TRPC5: variants seen among roughly 807,000 people sequenced by gnomAD.
TRPC5 encodes the protein transient receptor potential cation channel subfamily C member 5.
In TRPC5, 9 loss-of-function variants were observed where a neutral mutation model predicts 56.5. That is an observed-to-expected ratio of 0.16 (90% confidence interval 0.10 to 0.28). The LOEUF (loss-of-function observed/expected upper bound fraction) is 0.28, where lower values mean the gene tolerates loss of function less well. Ranked by LOEUF, TRPC5 falls within the 10% of genes least tolerant of loss-of-function variation. The pLI, the probability that TRPC5 is intolerant of heterozygous loss-of-function variation, is 1.00. For missense variants in TRPC5, 469 were observed against 748.9 expected, an observed-to-expected ratio of 0.63 and a Z score of 4.36; for synonymous variants, 282 against 278.5, an observed-to-expected ratio of 1.01 and a Z score of -0.13.
chrX:111,948,349 C>G (rs2148636612), intron 2 of TRPC5, among the ~76,000 whole-genome samples: 1 of 111,435 alleles, frequency 9.0e-6, no homozygotes, highest in African/African-American at 3.3e-5. Flanking sequence ...GGATTGGTTT[C>G]TTTTCTAATA....
chrX:112,019,498 C>T (rs1025766785), intron 1 of TRPC5, among the ~76,000 whole-genome samples: 4 of 109,365 alleles, frequency 3.7e-5, no homozygotes, highest in Non-Finnish European at 5.7e-5. Context: ...TGCAGTGGCG[C>T]GATCTCGGCT....
intron 1 of TRPC5, among the ~76,000 whole-genome samples, chrX:112,026,571 G>C (rs186175238): frequency 8.9e-6 from 1 of 111,869 alleles, no homozygotes; most frequent in East Asian, 2.8e-4. Context: ...AAATGCCCTA[G>C]ACTCTTTTTC....
intron 1 of TRPC5, among the ~76,000 whole-genome samples, chrX:111,982,281 G>A: frequency 8.9e-6 from 1 of 111,958 alleles, no homozygotes; most frequent in East Asian, 2.8e-4. Flanking sequence ...GATAATTATA[G>A]TTCTAATTTC....
intron 1 of TRPC5, among the ~76,000 whole-genome samples, chrX:111,962,298 C>A (rs973677058): frequency 8.9e-6 from 1 of 112,186 alleles, no homozygotes; most frequent in South Asian, 3.7e-4. Context: ...GATTTATGAT[C>A]CAAAGTCCCT....
Position 111,950,320 on chromosome X carries a change from A to G in TRPC5, c.378+1723T>C, listed in dbSNP as rs193040725. 5.6e-3 allele frequency among the ~76,000 whole-genome samples: 582 copies of G among 104,359 alleles called. 1 individual carries two copies. The highest frequency in any genetic ancestry group is 0.015 in the Middle Eastern group (3 of 204). 90.6% of individuals were successfully genotyped at this position (104,359 alleles called of 115,157 possible). ...AGCCTGGGTGACAGAGTGAGACTCC[A>G]TCTCAAAAAAAAAAAAGAATTAATT... On this transcript the variant is annotated intron_variant, in intron 2 of 10. Transcript: ENST00000262839.
At position 111,994,376 on chromosome X, in the gene TRPC5, G is replaced by A. The variant is rs771326432; in HGVS notation, c.-21-41935C>T. 2.7e-5 allele frequency among the ~76,000 whole-genome samples: 3 copies of A among 111,544 alleles called. No individual in the cohort carries two copies. The South Asian group carries it at 1.1e-3, about 42-fold the overall frequency. On this transcript the variant is annotated intron_variant, in intron 1 of 10. Coordinates refer to ENST00000262839, the MANE Select transcript of TRPC5 (RefSeq NM_012471.3). ...TGTTCTTTTGGCTTAGGATTGTCTTGGCAATGCGGGCTCTTTTTTGGTTCC... is the reference window on the plus strand; with the variant it reads ...TGTTCTTTTGGCTTAGGATTGTCTTAGCAATGCGGGCTCTTTTTTGGTTCC...
intron 6 of TRPC5, among the ~76,000 whole-genome samples, chrX:111,836,241 A>G (rs1259212695): frequency 4.5e-5 from 5 of 112,350 alleles, no homozygotes; most frequent in Non-Finnish European, 9.4e-5. Flanking sequence ...ATCTGAATAC[A>G]GCAATAAAAT....
chrX:111,927,376 G>T (rs1043115857), intron 2 of TRPC5, among the ~76,000 whole-genome samples: 2 of 112,161 alleles, frequency 1.8e-5, no homozygotes, highest in African/African-American at 3.2e-5. Flanking sequence ...TAAGGCAAGG[G>T]CTCAGGCATA....
intron 3 of TRPC5, among the ~76,000 whole-genome samples, chrX:111,855,415 G>C (rs1274533919): frequency 2.7e-5 from 3 of 111,620 alleles, no homozygotes; most frequent in Non-Finnish European, 5.6e-5. Flanking sequence ...GTGATAACCT[G>C]GTGTGATCTA....
intron 3 of TRPC5, among the ~76,000 whole-genome samples, chrX:111,877,430 T>A (rs1924002886): frequency 9.0e-6 from 1 of 110,588 alleles, no homozygotes; most frequent in South Asian, 3.9e-4. Flanking sequence ...TTGCTTGGGG[T>A]TGAGGGAATT....
intron 1 of TRPC5, among the ~76,000 whole-genome samples, chrX:111,996,755 T>C (rs186333249): frequency 1.8e-5 from 2 of 112,265 alleles, no homozygotes; most frequent in African/African-American, 6.5e-5. Context: ...TCTCTTTTGA[T>C]CTTTGTTGGT....
At chrX:112,005,845 T>C (rs1314820624) in intron 1 of TRPC5, among the ~76,000 whole-genome samples, 1 of 111,817 alleles carries the variant, frequency 8.9e-6, no homozygotes, top group Admixed American at 9.5e-5. Context: ...CCTGATATGA[T>C]AGAGGGAACT....
intron 7 of TRPC5, among the ~76,000 whole-genome samples, chrX:111,806,816 T>G (rs1477785682): frequency 1.8e-5 from 2 of 111,238 alleles, no homozygotes; most frequent in Non-Finnish European, 3.8e-5. Context: ...CCTTTATGTT[T>G]AAAGGATATT....
intron 1 of TRPC5, among the ~76,000 whole-genome samples, chrX:111,965,775 A>G (rs1603121287): frequency 1.8e-5 from 2 of 111,957 alleles, no homozygotes; most frequent in East Asian, 5.6e-4. Context: ...TTTGAATCCA[A>G]CGAGAACAAA....
At chrX:111,783,685 A>G (rs377288648) in intron 7 of TRPC5, among the ~76,000 whole-genome samples, 2 of 110,779 alleles carry the variant, frequency 1.8e-5, no homozygotes, top group African/African-American at 6.5e-5. Context: ...ATGGCTTGCA[A>G]ATATTTTCTT....
At chrX:111,847,019 A>G (rs1448569285) in intron 6 of TRPC5, 95 bp downstream of exon 6, 5 of 947,454 alleles carry the variant, frequency 5.3e-6, no homozygotes, top group Non-Finnish European at 7.2e-6. Flanking sequence ...AGTGGCAGTG[A>G]TGAAGCTGTA....
At chrX:111,856,203 CAG>C (rs1311194603) in intron 3 of TRPC5, among the ~76,000 whole-genome samples, 2 of 110,749 alleles carry the variant, frequency 1.8e-5, no homozygotes, top group Admixed American at 9.6e-5. Flanking sequence ...GAGAGGTAAA[CAG>C]GGGTTAGAGA....
Position 112,063,273 on chromosome X carries a change from C to T in TRPC5, c.-22+18606G>A, listed in dbSNP as rs1011045265. On this transcript the variant is annotated intron_variant, in intron 1 of 10. Transcript: ENST00000262839. The stretch of plus-strand genomic sequence containing the variant: ...GGGGTCAACCCAAACTATGACAGAT[C>T]AATTCCATTGTTTCCTGATTCATCT... 2.7e-5 allele frequency among the ~76,000 whole-genome samples: 3 copies of T among 112,026 alleles called. No individual in the cohort carries two copies. In the Admixed American group the frequency reaches 2.8e-4, roughly 11 times the overall value.
chrX:111,957,916 T>A (rs1016148714), intron 1 of TRPC5, among the ~76,000 whole-genome samples: 4 of 112,073 alleles, frequency 3.6e-5, no homozygotes, highest in African/African-American at 1.3e-4. Context: ...TATTCAACTT[T>A]AAGTGTTAGA....
Sources: gnomAD v4.1 joint callset for allele counts (sites outside exome capture counted in the v4.1 genomes callset) on GRCh38, gnomAD v4.1.1 for gene constraint, MANE v1.5 for transcripts, NCBI Gene and HGNC (gene_info 2026-07-23, HGNC 2026-07-21) for gene names.